The following ZBTB38 variants were observed in gnomAD, a reference collection of about 807,000 sequenced individuals.
The protein encoded by ZBTB38 is zinc finger and BTB domain-containing protein 38.
ZBTB38 carries 20 observed loss-of-function variants against 76.8 expected under a neutral mutation model. The observed-to-expected ratio is 0.26, with a 90% CI of 0.18 to 0.38. ZBTB38 has a LOEUF of 0.38. Ranked by LOEUF, ZBTB38 falls within the 10% of genes least tolerant of loss-of-function variation. ZBTB38 has a pLI of 1.00. For missense variants in ZBTB38, 1,082 were observed against 1,482.3 expected (o/e 0.73, Z 4.43); for synonymous variants, 504 against 544.2 (o/e 0.93, Z 1.03).
rs955933482 is a variant in ZBTB38, at chr3:141,446,982, T to G, written c.*1006T>G. 1 of 152,784 alleles carries G rather than the reference T, an allele frequency of 6.5e-6. No individual in the cohort carries two copies. The highest frequency in any genetic ancestry group is 1.9e-4 in the East Asian group (1 of 5,192). The allele number at this position is 152,784 out of a possible 1,614,324, so 9.5% of individuals were successfully genotyped here. A position where few individuals can be genotyped will look rare whatever the true frequency, so the allele number is the denominator to read the frequency against. Reference sequence around the variant, plus strand: ...ATGTGGGGGTCTATTCCAGACAGACTTAAGGGCTCAAGTGGAACCTGCCAT... The same window carrying G: ...ATGTGGGGGTCTATTCCAGACAGACGTAAGGGCTCAAGTGGAACCTGCCAT... On this transcript the variant is annotated 3_prime_UTR_variant, in exon 6 of 6. Transcript: ENST00000321464.
chr3:141,409,649 C>T (rs1257455494), intron 5 of ZBTB38, among the ~76,000 whole-genome samples: 2 of 152,188 alleles, frequency 1.3e-5, no homozygotes, highest in South Asian at 2.1e-4. Flanking sequence ...TCCCTATATC[C>T]CTAACCTATC....
chr3:141,335,133 A>T (rs758271794), intron 1 of ZBTB38, among the ~76,000 whole-genome samples: 2 of 152,214 alleles, frequency 1.3e-5, no homozygotes, highest in Non-Finnish European at 2.9e-5. Flanking sequence ...ACCACACTGC[A>T]TATCCCTGGA....
chr3:141,348,474 G>A (rs186451202), intron 1 of ZBTB38, among the ~76,000 whole-genome samples: 132 of 152,320 alleles, frequency 8.7e-4, no homozygotes, highest in African/African-American at 3.1e-3. Flanking sequence ...ATTACTTGCA[G>A]TGTCTTTCCT....
intron 4 of ZBTB38, among the ~76,000 whole-genome samples, chr3:141,393,792 A>G (rs1416919967): frequency 6.6e-6 from 1 of 152,162 alleles, no homozygotes; most frequent in Non-Finnish European, 1.5e-5. Flanking sequence ...AACTAGAAAA[A>G]GAAGGCTCAG....
intron 4 of ZBTB38, among the ~76,000 whole-genome samples, chr3:141,400,430 C>T (rs1577059706): frequency 6.6e-6 from 1 of 152,136 alleles, no homozygotes. Context: ...CGGTTTTACC[C>T]TTAACAAGCT....
At chr3:141,372,271 G>A (rs923359873) in intron 2 of ZBTB38, among the ~76,000 whole-genome samples, 2 of 152,224 alleles carry the variant, frequency 1.3e-5, no homozygotes, top group African/African-American at 4.8e-5. Context: ...TTCAGCCTCT[G>A]AAAGTCTGTC....
Position 141,446,847 on chromosome 3 carries a change from G to A in ZBTB38, c.*871G>A, listed in dbSNP as rs906679554. On this transcript the variant is annotated 3_prime_UTR_variant, in exon 6 of 6. Transcript: ENST00000321464. ...GGGAACACCCTCCCAGAATTTACCT[G>A]TGATTACCTGTGCTGCATATTACTT... The A allele has an allele frequency of 6.6e-6, 1 of 152,618 alleles. No individual in the cohort carries two copies. Among genetic ancestry groups the A allele is most frequent in the African/African-American group, 2.4e-5 (1 of 41,434 alleles). The allele number at this position is 152,618 out of a possible 1,614,324, so 9.5% of individuals were successfully genotyped here. A position where few individuals can be genotyped will look rare whatever the true frequency, so the allele number is the denominator to read the frequency against.
At chr3:141,419,019 A>G (rs2074742532) in intron 5 of ZBTB38, among the ~76,000 whole-genome samples, 1 of 152,226 alleles carries the variant, frequency 6.6e-6, no homozygotes, top group Non-Finnish European at 1.5e-5. Flanking sequence ...CACTGCTGTA[A>G]AGAGCTACCT....
At chr3:141,346,782 T>TTTTTTGTGTGTGTGTGTG (rs150173767) in intron 1 of ZBTB38, among the ~76,000 whole-genome samples, 29 of 144,562 alleles carry the variant, frequency 2.0e-4, no homozygotes, top group Non-Finnish European at 4.1e-4. Context: ...TTGTTTTGTT[T>TTTTTTGTGTGTGTGTGTG]TGTGTGTGTG....
rs745675533 is a variant in ZBTB38 at position 141,442,343 on chromosome 3, G to A, written c.1-46G>A. On this transcript the variant is annotated intron_variant, in intron 5 of 5. Transcript: ENST00000321464. The surrounding 1 kb of genome is among the most constrained non-coding windows in gnomAD (Gnocchi z 6.4). ...TGGAAAATAGTCTAGAGATAAAGAA[G>A]CCACCTGTGGAAGATTATCTGACCA... 1.4e-6 allele frequency: 2 copies of A among 1,420,804 alleles called. No homozygotes were observed. Among genetic ancestry groups the A allele is most frequent in the African/African-American group, 2.9e-5 (2 of 69,656 alleles). 88.0% of individuals were successfully genotyped at this position (1,420,804 alleles called of 1,614,324 possible).
At chr3:141,429,735 T>C (rs1337333095) in intron 5 of ZBTB38, among the ~76,000 whole-genome samples, 1 of 152,048 alleles carries the variant, frequency 6.6e-6, no homozygotes, top group Non-Finnish European at 1.5e-5. Context: ...AGAGATGGGG[T>C]GGCCCCTCCG....
intron 1 of ZBTB38, among the ~76,000 whole-genome samples, chr3:141,363,370 AT>A (rs1320212363): frequency 6.6e-6 from 1 of 152,214 alleles, no homozygotes; most frequent in African/African-American, 2.4e-5. Flanking sequence ...CCCCAGCTGT[AT>A]TTTTTGCAGA....
intron 1 of ZBTB38, among the ~76,000 whole-genome samples, chr3:141,339,378 CT>C (rs2148900388): frequency 6.6e-6 from 1 of 152,194 alleles, no homozygotes; most frequent in South Asian, 2.1e-4. Context: ...GTAGTATGAT[CT>C]TGTTTAAGTT....
intron 5 of ZBTB38, among the ~76,000 whole-genome samples, chr3:141,415,242 A>G (rs182049637): frequency 6.6e-6 from 1 of 151,744 alleles, no homozygotes; most frequent in African/African-American, 2.4e-5. Flanking sequence ...TACGTCACCC[A>G]TTTTCGTTGT....
intron 1 of ZBTB38, among the ~76,000 whole-genome samples, chr3:141,363,229 A>T (rs912435059): frequency 6.6e-6 from 1 of 152,202 alleles, no homozygotes; most frequent in Admixed American, 6.5e-5. Context: ...ACAACAAAAC[A>T]TTGCTGAAAT....
chr3:141,432,362 T>G, intron 5 of ZBTB38: 2 of 841,914 alleles, frequency 2.4e-6, no homozygotes, highest in Non-Finnish European at 2.9e-6. Flanking sequence ...TCTGTTGTTA[T>G]TATGTACGTT....
intron 4 of ZBTB38, chr3:141,402,858 C>G (rs1952776165): frequency 2.6e-5 from 4 of 152,210 alleles, no homozygotes. Flanking sequence ...GACAGTCACA[C>G]CTCCCGTCTC....
intron 5 of ZBTB38, chr3:141,432,072 A>C (rs949659883): frequency 7.1e-6 from 7 of 985,306 alleles, no homozygotes; most frequent in Non-Finnish European, 8.4e-6. Flanking sequence ...ACTTTGAGAA[A>C]ATATACTGTA....
rs1021884463 is a variant in ZBTB38, at chr3:141,448,630, A to G, written c.*2654A>G. ...TTAAATGCAGATGTTAAGGATTGGA[A>G]AAGTCTAATTTTATTTTTAGAAATA... On this transcript the variant is annotated 3_prime_UTR_variant, in exon 6 of 6. Transcript: ENST00000321464. 2 of 152,240 alleles carry G rather than the reference A, an allele frequency of 1.3e-5. No homozygotes were observed. The highest frequency in any genetic ancestry group is 4.8e-5 in the African/African-American group (2 of 41,458). The allele number at this position is 152,240 out of a possible 1,614,324, so 9.4% of individuals were successfully genotyped here. A position where few individuals can be genotyped will look rare whatever the true frequency, so the allele number is the denominator to read the frequency against.
Sources: gnomAD v4.1 joint callset for allele counts (sites outside exome capture counted in the v4.1 genomes callset) on GRCh38, gnomAD v4.1.1 for gene constraint, Gnocchi (gnomAD v3.1) non-coding constraint, MANE v1.5 for transcripts, NCBI Gene and HGNC (gene_info 2026-07-23, HGNC 2026-07-21) for gene names.